The following DLGAP1 variants were observed in gnomAD, a reference collection of about 807,000 sequenced individuals.
DLGAP1 encodes disks large-associated protein 1.
In DLGAP1, 11 loss-of-function variants were observed where a neutral mutation model predicts 90.8. The ratio of observed to expected loss-of-function variants is 0.12; its 90% CI spans 0.08 to 0.20. The LOEUF (loss-of-function observed/expected upper bound fraction) is 0.20, where lower values mean the gene tolerates loss of function less well. Ranked by LOEUF, DLGAP1 falls within the 10% of genes least tolerant of loss-of-function variation. The pLI is 1.00. For missense variants in DLGAP1, 1,050 were observed against 1,333.8 expected, an observed-to-expected ratio of 0.79 and a Z score of 3.31; for synonymous variants, 558 against 540.7, an observed-to-expected ratio of 1.03 and a Z score of -0.44.
chr18:4,425,209 T>C (rs1203126511), intron 1 of DLGAP1, among the ~76,000 whole-genome samples: 1 of 152,228 alleles, frequency 6.6e-6, no homozygotes, highest in Non-Finnish European at 1.5e-5. Flanking sequence ...TATAAGAGTT[T>C]AGCTGACTCA....
At position 3,879,660 on chromosome 18, in the gene DLGAP1, G is replaced by GGCCGGGGCTGTCGCT; in HGVS notation, c.394_408dup (p.Ser132_Gly136dup). The stretch of plus-strand genomic sequence containing the variant: ...ACCGAGTGCACCAGGTGGCGGATGC[G>GGCCGGGGCTGTCGCT]GCCGGGGCTGTCGCTGCGGTGCTCC... On this transcript the variant is annotated inframe_insertion, in exon 4 of 13. Coordinates refer to ENST00000315677, the MANE Select transcript of DLGAP1 (RefSeq NM_004746.4). The surrounding 1 kb of genome is among the most constrained non-coding windows in gnomAD (Gnocchi z 6.6). 1 of 1,606,106 alleles carries GGCCGGGGCTGTCGCT rather than the reference G, an allele frequency of 6.2e-7. No homozygotes were observed. The highest frequency in any genetic ancestry group is 1.3e-5 in the African/African-American group (1 of 75,050).
rs34227245 is a variant in DLGAP1, at chr18:4,226,683, C to CA, written c.-266-75397dup. ...TTATTTGCAAGACTCATGGTAAACT[C>CA]AAAAAAAAAAAAAAACAGTGTATAC... On this transcript the variant is annotated intron_variant, in intron 1 of 12. Coordinates refer to ENST00000315677, the MANE Select transcript of DLGAP1 (RefSeq NM_004746.4). 4.2e-4 allele frequency among the ~76,000 whole-genome samples: 53 copies of CA among 125,600 alleles called. 1 individual carries two copies. Among genetic ancestry groups the CA allele is most frequent in the Middle Eastern group, 8.6e-3 (2 of 232 alleles). 82.4% of individuals were successfully genotyped at this position (125,600 alleles called of 152,430 possible).
At chr18:3,796,982 G>A (rs1234529198) in intron 5 of DLGAP1, among the ~76,000 whole-genome samples, 2 of 152,152 alleles carry the variant, frequency 1.3e-5, no homozygotes. Context: ...GAGGCAATTA[G>A]GTTTAGATGT....
chr18:4,025,671 C>T (rs926739000), intron 2 of DLGAP1, among the ~76,000 whole-genome samples: 6 of 152,216 alleles, frequency 3.9e-5, no homozygotes, highest in African/African-American at 1.4e-4. Flanking sequence ...GAGTTTAGAT[C>T]TCTGCCTTCT....
intron 2 of DLGAP1, among the ~76,000 whole-genome samples, chr18:4,043,938 A>G (rs1186487132): frequency 6.6e-6 from 1 of 152,212 alleles, no homozygotes; most frequent in African/African-American, 2.4e-5. Context: ...TTTGAACATC[A>G]TCTTAGCATT....
At chr18:4,027,738 G>T (rs11661796) in intron 2 of DLGAP1, among the ~76,000 whole-genome samples, 1 of 152,010 alleles carries the variant, frequency 6.6e-6, no homozygotes, top group Non-Finnish European at 1.5e-5. Context: ...GATCAACTTA[G>T]AACTTTGTTG....
chr18:4,440,568 G>T lies in DLGAP1; in HGVS notation c.-267+14438C>A, dbSNP rs565835414. On this transcript the variant is annotated intron_variant, in intron 1 of 12. Coordinates refer to ENST00000315677, the MANE Select transcript of DLGAP1 (RefSeq NM_004746.4). The stretch of plus-strand genomic sequence containing the variant: ...AAGTCAATTAAACATTCAAATTTGG[G>T]GGGAGGTCAAGAACATAAGGTAATT... Among the ~76,000 whole-genome samples the T allele has an allele frequency of 3.5e-4, 53 of 152,112 alleles. 2 individuals are homozygous for T. In the South Asian group the frequency reaches 0.011, roughly 30 times the overall value.
chr18:3,798,016 T>C (rs1277217845), intron 5 of DLGAP1, among the ~76,000 whole-genome samples: 1 of 152,192 alleles, frequency 6.6e-6, no homozygotes, highest in Non-Finnish European at 1.5e-5. Flanking sequence ...CCTTCTGCCA[T>C]GATTGTGAGG....
At chr18:3,799,929 C>A (rs772900216) in intron 5 of DLGAP1, among the ~76,000 whole-genome samples, 1 of 152,042 alleles carries the variant, frequency 6.6e-6, no homozygotes, top group Non-Finnish European at 1.5e-5. Context: ...TCAAAATATT[C>A]AAAAAGGAAG....
intron 7 of DLGAP1, among the ~76,000 whole-genome samples, chr18:3,601,344 C>G (rs1330991094): frequency 6.6e-6 from 1 of 152,054 alleles, no homozygotes; most frequent in East Asian, 1.9e-4. Context: ...CCTCGGCCTC[C>G]CAAAATGCTG....
At chr18:4,085,466 A>G (rs9959516) in intron 2 of DLGAP1, among the ~76,000 whole-genome samples, 47,313 of 152,054 alleles carry the variant, frequency 0.31, 7,505 homozygotes, top group South Asian at 0.34. Flanking sequence ...ACCACAGGAG[A>G]AACTTTCTTT....
At chr18:4,306,455 GTGTGTGTGA>G (rs1179586154) in intron 1 of DLGAP1, among the ~76,000 whole-genome samples, 1 of 71,334 alleles carries the variant, frequency 1.4e-5, no homozygotes, top group East Asian at 2.2e-4. Flanking sequence ...GTGTGTGTGT[GTGTGTGTGA>G]GAGAGAGAGA....
At chr18:3,878,469 T>G (rs2071059328) in intron 4 of DLGAP1, among the ~76,000 whole-genome samples, 2 of 152,122 alleles carry the variant, frequency 1.3e-5, no homozygotes, top group South Asian at 4.1e-4. Context: ...TCCTTCCTCC[T>G]TTTCCTCCTC....
chr18:4,287,384 T>C (rs2079725455), intron 1 of DLGAP1, among the ~76,000 whole-genome samples: 1 of 152,186 alleles, frequency 6.6e-6, no homozygotes, highest in Non-Finnish European at 1.5e-5. Flanking sequence ...TAAATCATTC[T>C]ACTATAAAGA....
In DLGAP1 at chr18:4,378,019, AATCT is replaced by A. The variant is rs557833251; in HGVS notation, c.-267+76983_-267+76986del. Among the ~76,000 whole-genome samples, 19 of 150,944 alleles carry A rather than the reference AATCT, an allele frequency of 1.3e-4. No individual in the cohort carries two copies. Among genetic ancestry groups the A allele is most frequent in the Non-Finnish European group, 2.4e-4 (16 of 67,744 alleles). Reference sequence around the variant, plus strand: ...AAATCCATATTACAGAATGATATGAAATCTATCTATTTTTGTCTATGTGTTTTTA... The same window carrying A: ...AAATCCATATTACAGAATGATATGAAATCTATTTTTGTCTATGTGTTTTTA... On this transcript the variant is annotated intron_variant, in intron 1 of 12. Coordinates refer to ENST00000315677, the MANE Select transcript of DLGAP1 (RefSeq NM_004746.4). This position sits in a 1 kb window ranked among gnomAD's most constrained non-coding sequence, Gnocchi z 4.5.
At chr18:4,395,294 C>T (rs1044794808) in intron 1 of DLGAP1, among the ~76,000 whole-genome samples, 1 of 151,938 alleles carries the variant, frequency 6.6e-6, no homozygotes, top group African/African-American at 2.4e-5. Flanking sequence ...TTTTTATATC[C>T]CTATTACTAT....
chr18:3,889,810 G>A (rs1804556877), intron 3 of DLGAP1, among the ~76,000 whole-genome samples: 1 of 152,186 alleles, frequency 6.6e-6, no homozygotes, highest in South Asian at 2.1e-4. Context: ...GTAAAGGAAG[G>A]GCCCATGTCG....
intron 5 of DLGAP1, among the ~76,000 whole-genome samples, chr18:3,744,892 T>C (rs1245485990): frequency 2.0e-5 from 3 of 152,326 alleles, no homozygotes; most frequent in Admixed American, 1.3e-4. Flanking sequence ...TTTTAAAGTT[T>C]ATATAAGATT....
intron 1 of DLGAP1, among the ~76,000 whole-genome samples, chr18:4,265,594 G>T (rs150022239): frequency 0.031 from 1,824 of 59,396 alleles, 65 homozygotes; most frequent in African/African-American, 0.072. Context: ...TTCTTCTTTT[G>T]CTTTCTTTCC....
Sources: allele counts gnomAD v4.1 joint callset (sites outside exome capture counted in the v4.1 genomes callset), GRCh38; gene constraint gnomAD v4.1.1; non-coding constraint Gnocchi (gnomAD v3.1); transcripts MANE v1.5; gene names NCBI Gene and HGNC (gene_info 2026-07-23, HGNC 2026-07-21).